THSD4: variants seen among roughly 807,000 people sequenced by gnomAD.
THSD4 encodes thrombospondin type-1 domain-containing protein 4.
A neutral mutation model predicts 119.0 loss-of-function variants in THSD4; 69 were observed. The observed-to-expected ratio is 0.58, with a 90% CI of 0.48 to 0.71. The LOEUF (loss-of-function observed/expected upper bound fraction) is 0.71. Among genes scored for constraint, THSD4 ranks in the 30% least tolerant of loss-of-function variants. THSD4 has a pLI of 0.00. For synonymous variants in THSD4, 524 were observed against 540.4 expected, an observed-to-expected ratio of 0.97 and a Z score of 0.42; for missense variants, 1,393 against 1,391.1, an observed-to-expected ratio of 1.00 and a Z score of -0.02.
At chr15:71,215,661 C>T (rs911516359) in intron 4 of THSD4, among the ~76,000 whole-genome samples, 1 of 152,176 alleles carries the variant, frequency 6.6e-6, no homozygotes, top group Admixed American at 6.5e-5. Flanking sequence ...TGAGAATGCC[C>T]TTAGGAAGAA....
At chr15:71,170,123 G>A (rs1015316908) in intron 3 of THSD4, among the ~76,000 whole-genome samples, 1 of 149,962 alleles carries the variant, frequency 6.7e-6, no homozygotes, top group Non-Finnish European at 1.5e-5. Context: ...GCAGTGAGCC[G>A]AGATCTCACT....
intron 6 of THSD4, among the ~76,000 whole-genome samples, chr15:71,366,373 T>C (rs1303614744): frequency 1.3e-5 from 2 of 152,180 alleles, no homozygotes; most frequent in Non-Finnish European, 2.9e-5. Flanking sequence ...CAAGATTTTT[T>C]ACTCTGCTGG....
intron 7 of THSD4, among the ~76,000 whole-genome samples, chr15:71,464,176 C>G (rs575902071): frequency 8.5e-4 from 130 of 152,222 alleles, no homozygotes; most frequent in Non-Finnish European, 1.4e-3. Flanking sequence ...CACTCTGGCT[C>G]AGTCCTTTTT....
intron 7 of THSD4, among the ~76,000 whole-genome samples, chr15:71,532,059 T>A (rs372140882): frequency 1.4e-5 from 2 of 147,644 alleles, no homozygotes; most frequent in East Asian, 2.2e-4. Context: ...CAGCCTAAAA[T>A]ACAGTCCAAG....
chr15:71,106,988 C>T (rs530898322), intron 1 of THSD4, among the ~76,000 whole-genome samples: 2 of 152,342 alleles, frequency 1.3e-5, no homozygotes, highest in East Asian at 1.9e-4. Context: ...AATTGGTGAA[C>T]TTGAGTCATG....
intron 8 of THSD4, among the ~76,000 whole-genome samples, chr15:71,702,145 TC>T (rs2052303137): frequency 6.6e-6 from 1 of 152,098 alleles, no homozygotes; most frequent in Non-Finnish European, 1.5e-5. Context: ...TGCTTGCTCT[TC>T]CTGCTGCTCA....
intron 8 of THSD4, among the ~76,000 whole-genome samples, chr15:71,706,757 C>T (rs979304488): frequency 2.0e-5 from 3 of 152,172 alleles, no homozygotes; most frequent in African/African-American, 7.2e-5. Context: ...GAGACAGCTG[C>T]ATCTAGCAGC....
chr15:71,149,593 T>G (rs2040700187), intron 2 of THSD4, among the ~76,000 whole-genome samples: 6 of 152,206 alleles, frequency 3.9e-5, no homozygotes, highest in Admixed American at 3.3e-4. Context: ...AGGATTTCAC[T>G]TCAATGCTAA....
chr15:71,469,862 C>G lies in THSD4; in HGVS notation c.1152+58039C>G, dbSNP rs1345244329. 9.2e-5 allele frequency among the ~76,000 whole-genome samples: 14 copies of G among 152,242 alleles called. No homozygotes were observed. In the South Asian group the frequency reaches 2.7e-3, roughly 29 times the overall value. On this transcript the variant is annotated intron_variant, in intron 7 of 17. Transcript: ENST00000261862. Reference sequence around the variant, plus strand: ...TGAACAACATGTGCTAAATGATATACAAAGACCATTGAGCCAATCTAGTGG... The same window carrying G: ...TGAACAACATGTGCTAAATGATATAGAAAGACCATTGAGCCAATCTAGTGG...
At position 71,779,324 on chromosome 15, in the gene THSD4, T is replaced by A. The variant is rs2053963674; in HGVS notation, c.*1950T>A. 2.0e-5 allele frequency: 3 copies of A among 152,278 alleles called. No individual in the cohort carries two copies. The allele number at this position is 152,278 out of a possible 1,614,324, so 9.4% of individuals were successfully genotyped here. A position where few individuals can be genotyped will look rare whatever the true frequency, so the allele number is the denominator to read the frequency against. ...AGAGGCCAAGCATATTGACTGGTGC[T>A]GTTCAGGGCCTGCTCTTTTCCACTC... is the stretch of plus-strand genomic sequence containing the variant. On this transcript the variant is annotated 3_prime_UTR_variant, in exon 18 of 18. Coordinates refer to ENST00000261862, the MANE Select transcript of THSD4 (RefSeq NM_024817.3).
upstream of THSD4, chr15:71,112,442 C>T: frequency 2.3e-6 from 1 of 438,700 alleles, no homozygotes; most frequent in Non-Finnish European, 3.9e-6. Context: ...TAGGAGCTGC[C>T]TCTAGGGCCA....
chr15:71,293,574 A>C (rs2044822032), intron 6 of THSD4, among the ~76,000 whole-genome samples: 2 of 152,022 alleles, frequency 1.3e-5, no homozygotes, highest in Non-Finnish European at 2.9e-5. Flanking sequence ...TGTGCCTCCG[A>C]GGGCTGGGCT....
intron 6 of THSD4, among the ~76,000 whole-genome samples, chr15:71,369,860 A>G (rs2046019185): frequency 6.6e-6 from 1 of 152,180 alleles, no homozygotes; most frequent in Non-Finnish European, 1.5e-5. Context: ...GAATGGTACC[A>G]GTTCCTCCTT....
At chr15:71,742,780 C>T (rs546669883) in intron 11 of THSD4, among the ~76,000 whole-genome samples, 42 of 152,214 alleles carry the variant, frequency 2.8e-4, no homozygotes, top group African/African-American at 9.4e-4. Flanking sequence ...ATGGGTCAGG[C>T]GCCGTGGCTT....
chr15:71,506,652 C>T lies in THSD4; in HGVS notation c.1152+94829C>T, dbSNP rs116468774. Among the ~76,000 whole-genome samples the T allele has an allele frequency of 4.0e-3, 615 of 152,332 alleles. 4 individuals carry two copies. Among genetic ancestry groups the T allele is most frequent in the African/African-American group, 0.014 (598 of 41,568 alleles). On this transcript the variant is annotated intron_variant, in intron 7 of 17. Transcript: ENST00000261862. ...AACAACACGTTAAACTTTCAACTTG[C>T]GTAAAGGATCAGATGATCCCATTGT...
At chr15:71,652,053 G>A (rs990991050) in intron 7 of THSD4, among the ~76,000 whole-genome samples, 1 of 152,190 alleles carries the variant, frequency 6.6e-6, no homozygotes, top group Non-Finnish European at 1.5e-5. Context: ...CTGTAAATCA[G>A]GCCAGTGTGC....
intron 6 of THSD4, among the ~76,000 whole-genome samples, chr15:71,367,940 C>T (rs1008117409): frequency 6.6e-6 from 1 of 152,220 alleles, no homozygotes; most frequent in Non-Finnish European, 1.5e-5. Flanking sequence ...TCCTCTCCAG[C>T]ACCTGTTGTT....
chr15:71,264,517 G>GT (rs2044442208), intron 6 of THSD4, among the ~76,000 whole-genome samples: 1 of 152,196 alleles, frequency 6.6e-6, no homozygotes, highest in South Asian at 2.1e-4. Flanking sequence ...GATGATTTTG[G>GT]TTTTGTATAT....
At chr15:71,572,256 C>T (rs2049371960) in intron 7 of THSD4, among the ~76,000 whole-genome samples, 1 of 152,170 alleles carries the variant, frequency 6.6e-6, no homozygotes. Context: ...AAATAGTGAG[C>T]AGTTTTCCTG....
Sources: gnomAD v4.1 joint callset for allele counts (sites outside exome capture counted in the v4.1 genomes callset) on GRCh38, gnomAD v4.1.1 for gene constraint, MANE v1.5 for transcripts, NCBI Gene and HGNC (gene_info 2026-07-23, HGNC 2026-07-21) for gene names.